Variants in EYS observed in about 807,000 individuals in gnomAD.
EYS encodes the protein EGF-like photoreceptor maintenance factor.
Under a neutral mutation model 282.1 loss-of-function variants are expected in EYS, and 250 were observed. The observed-to-expected ratio is 0.89, with a 90% CI of 0.80 to 0.98. EYS has a LOEUF of 0.98. Ranked by LOEUF, EYS falls within the 50% of genes least tolerant of loss-of-function variation. EYS has a pLI of 0.00. For synonymous variants in EYS, 1,355 were observed against 1,282.9 expected, an observed-to-expected ratio of 1.06 and a Z score of -1.20; for missense variants, 4,016 against 3,709.0, an observed-to-expected ratio of 1.08 and a Z score of -2.15.
At chr6:64,793,995 T>C (rs1774270188) in intron 22 of EYS, among the ~76,000 whole-genome samples, 1 of 152,160 alleles carries the variant, frequency 6.6e-6, no homozygotes, top group Admixed American at 6.6e-5. Flanking sequence ...CAGCTCCCCA[T>C]TTTTTCCTTG....
chr6:65,140,398 G>A (rs1295291883), intron 12 of EYS, among the ~76,000 whole-genome samples: 1 of 151,878 alleles, frequency 6.6e-6, no homozygotes, highest in Non-Finnish European at 1.5e-5. Context: ...TATAACAACA[G>A]TTTATAAGAT....
At chr6:64,154,701 C>T (rs1385412503) in intron 31 of EYS, among the ~76,000 whole-genome samples, 1 of 151,784 alleles carries the variant, frequency 6.6e-6, no homozygotes, top group Non-Finnish European at 1.5e-5. Context: ...TTAAAGACAA[C>T]AATTTTAAAA....
At chr6:65,619,118 C>T (rs1455632192) in intron 2 of EYS, among the ~76,000 whole-genome samples, 4 of 151,740 alleles carry the variant, frequency 2.6e-5, no homozygotes, top group African/African-American at 7.3e-5. Context: ...ATTGGGATGG[C>T]ATTGAATCTG....
intron 8 of EYS, among the ~76,000 whole-genome samples, chr6:65,382,192 T>A (rs1765636824): frequency 6.7e-6 from 1 of 149,288 alleles, no homozygotes; most frequent in Non-Finnish European, 1.5e-5. Context: ...TACATGGTCA[T>A]GAAGAACCTC....
rs941636348 is a variant in EYS at position 64,481,998 on chromosome 6, G to T, written c.5645-42646C>A. Among the ~76,000 whole-genome samples, 5 of 151,656 alleles carry T rather than the reference G, an allele frequency of 3.3e-5. No homozygotes were observed. In the East Asian group the frequency reaches 9.7e-4, roughly 29 times the overall value. On this transcript the variant is annotated intron_variant, in intron 26 of 42. Coordinates refer to ENST00000503581, the MANE Select transcript of EYS (RefSeq NM_001142800.2). Reference sequence around the variant, plus strand: ...ATGCATATATTCACCTGGGACAACGGAGGTGAGGTGAGCTCAGGTTTGGTT... The same window carrying T: ...ATGCATATATTCACCTGGGACAACGTAGGTGAGGTGAGCTCAGGTTTGGTT...
At chr6:65,620,266 T>G (rs1214876634) in intron 2 of EYS, among the ~76,000 whole-genome samples, 1 of 152,200 alleles carries the variant, frequency 6.6e-6, no homozygotes, top group Non-Finnish European at 1.5e-5. Flanking sequence ...TTCAGCTTCT[T>G]CCTGGTTTAG....
At chr6:64,821,181 A>C (rs182524148) in intron 21 of EYS, among the ~76,000 whole-genome samples, 1 of 152,100 alleles carries the variant, frequency 6.6e-6, no homozygotes, top group East Asian at 1.9e-4. Context: ...ACATATCCTG[A>C]GAATATTAAA....
intron 2 of EYS, among the ~76,000 whole-genome samples, chr6:65,515,645 C>T (rs1767098403): frequency 6.6e-6 from 1 of 151,752 alleles, no homozygotes; most frequent in Non-Finnish European, 1.5e-5. Context: ...TTTGTAGGGA[C>T]ATGGATGAAA....
chr6:64,529,113 T>A (rs564138245), intron 26 of EYS, among the ~76,000 whole-genome samples: 3 of 152,116 alleles, frequency 2.0e-5, no homozygotes, highest in Non-Finnish European at 4.4e-5. Flanking sequence ...TTTGGAAAAC[T>A]TAGGTCAGGA....
chr6:63,880,812 CT>C (rs1773113143), intron 35 of EYS, among the ~76,000 whole-genome samples: 1 of 152,106 alleles, frequency 6.6e-6, no homozygotes, highest in Non-Finnish European at 1.5e-5. Context: ...TAGTTTGCAA[CT>C]TCTTTGCACT....
rs9353692 is a variant in EYS, at chr6:64,294,753, C to T, written c.6191+12217G>A. 9.9e-5 allele frequency among the ~76,000 whole-genome samples: 15 copies of T among 152,128 alleles called. No individual in the cohort carries two copies. In the East Asian group the frequency reaches 2.5e-3, roughly 25 times the overall value. The stretch of plus-strand genomic sequence containing the variant: ...GCTTAGTATGATACAAATAGTGGCA[C>T]CACCTGTACTAGATAAGAGTATTAT... On this transcript the variant is annotated intron_variant, in intron 30 of 42. Transcript: ENST00000503581.
chr6:64,275,135 C>T (rs1357599560), intron 30 of EYS, among the ~76,000 whole-genome samples: 1 of 152,178 alleles, frequency 6.6e-6, no homozygotes, highest in Non-Finnish European at 1.5e-5. Context: ...ATCTATATTG[C>T]TCTGGGGGAA....
Position 64,947,269 on chromosome 6 carries a change from T to C in EYS, c.2260-1355A>G, listed in dbSNP as rs905126028. On this transcript the variant is annotated intron_variant, in intron 14 of 42. Coordinates refer to ENST00000503581, the MANE Select transcript of EYS (RefSeq NM_001142800.2). ...CTTTGGTACATTTGGACAGCAAATTTTTTTTACAAACATAACAATGAAACA... is the reference window on the plus strand; with the variant it reads ...CTTTGGTACATTTGGACAGCAAATTCTTTTTACAAACATAACAATGAAACA... Among the ~76,000 whole-genome samples, 4 of 152,018 alleles carry C rather than the reference T, an allele frequency of 2.6e-5. No individual in the cohort carries two copies. The East Asian group carries it at 7.7e-4, about 29-fold the overall frequency.
chr6:64,950,834 T>C (rs1583323770), intron 14 of EYS, among the ~76,000 whole-genome samples: 1 of 81,200 alleles, frequency 1.2e-5, no homozygotes, highest in African/African-American at 4.5e-5. Flanking sequence ...TATATATATA[T>C]TGTTGAATTG....
chr6:64,388,863 T>G (rs1296115701), intron 28 of EYS, 23 bp from the exon 29 acceptor site: 6 of 1,468,982 alleles, frequency 4.1e-6, no homozygotes, highest in Non-Finnish European at 5.4e-6. Context: ...AAGAAAGAAA[T>G]GGTTTTAGTA....
At chr6:65,244,524 ATTAT>A (rs1767131323) in intron 12 of EYS, among the ~76,000 whole-genome samples, 1 of 151,490 alleles carries the variant, frequency 6.6e-6, no homozygotes, top group South Asian at 2.1e-4. Context: ...TTATTTATTT[ATTAT>A]TTGAGACCAA....
chr6:65,182,774 T>TC (rs1435340977), intron 12 of EYS, among the ~76,000 whole-genome samples: 1 of 151,870 alleles, frequency 6.6e-6, no homozygotes, highest in Non-Finnish European at 1.5e-5. Flanking sequence ...CAGTTACTCA[T>TC]CATTCTGGGT....
At chr6:65,440,401 A>C (rs9360129) in intron 5 of EYS, among the ~76,000 whole-genome samples, 27,978 of 151,570 alleles carry the variant, frequency 0.18, 3,205 homozygotes, top group Middle Eastern at 0.3. Flanking sequence ...TTAAAACCCC[A>C]AAAACAAAAC....
chr6:65,651,757 CAG>C (rs1168393347), intron 1 of EYS, among the ~76,000 whole-genome samples: 8 of 151,878 alleles, frequency 5.3e-5, no homozygotes, highest in Admixed American at 2.0e-4. Flanking sequence ...GTAAAAAATC[CAG>C]AGTCTCCTAT....
Sources: allele counts gnomAD v4.1 joint callset (sites outside exome capture counted in the v4.1 genomes callset), GRCh38; gene constraint gnomAD v4.1.1; transcripts MANE v1.5; gene names NCBI Gene and HGNC (gene_info 2026-07-23, HGNC 2026-07-21).